Variants in UBA6 observed in about 807,000 individuals in gnomAD.
UBA6 encodes ubiquitin like modifier activating enzyme 6, also known as ubiquitin-like modifier-activating enzyme 6.
A neutral mutation model predicts 148.3 loss-of-function variants in UBA6; 87 were observed. That is an observed-to-expected ratio of 0.59 (90% CI 0.49 to 0.70). The LOEUF (loss-of-function observed/expected upper bound fraction) is 0.70. Among genes scored for constraint, UBA6 ranks in the 30% least tolerant of loss-of-function variants. The pLI is 0.00. For synonymous variants in UBA6, 376 were observed against 401.0 expected, an observed-to-expected ratio of 0.94 and a Z score of 0.75; for missense variants, 1,186 against 1,241.2, an observed-to-expected ratio of 0.96 and a Z score of 0.67.
intron 2 of UBA6, among the ~76,000 whole-genome samples, chr4:67,690,252 C>T (rs1391012619): frequency 6.6e-6 from 1 of 151,928 alleles, no homozygotes; most frequent in Admixed American, 6.6e-5. Flanking sequence ...AACTAGATTT[C>T]CAAATGCAAA....
chr4:67,681,528 C>G (rs746669069), intron 4 of UBA6, 35 bp downstream of exon 4: 2 of 1,490,212 alleles, frequency 1.3e-6, no homozygotes, highest in Non-Finnish European at 1.8e-6. Context: ...AAAAAAGGCT[C>G]ATAACAATTT....
chr4:67,665,181 ATACT>A lies in UBA6; in HGVS notation c.897+4_897+7del. On this transcript the variant is annotated splice_donor_5th_base_variant and intron_variant, in intron 10 of 32. Transcript: ENST00000322244. ...AAATGTTTTTTAAGCCGAAAAAAAA[ATACT>A]TACAAAAAAAACTGTTTTAGGAGTC... 6.5e-7 allele frequency: 1 copy of A among 1,530,058 alleles called. No homozygotes were observed. Among genetic ancestry groups the A allele is most frequent in the Non-Finnish European group, 8.8e-7 (1 of 1,138,116 alleles). 94.8% of individuals were successfully genotyped at this position (1,530,058 alleles called of 1,614,324 possible).
intron 1 of UBA6, 108 bp downstream of exon 1, chr4:67,700,941 G>A: frequency 7.1e-7 from 1 of 1,398,774 alleles, no homozygotes; most frequent in South Asian, 1.2e-5. Context: ...GCTCTGCTCG[G>A]CCCCGCGGCC....
chr4:67,697,040 C>G (rs928011601), intron 1 of UBA6, among the ~76,000 whole-genome samples: 17 of 152,158 alleles, frequency 1.1e-4, no homozygotes, highest in African/African-American at 3.1e-4. Flanking sequence ...GAGTCTCACT[C>G]TGTTACCGAG....
chr4:67,683,661 C>T (rs1014516455), intron 2 of UBA6, among the ~76,000 whole-genome samples: 3 of 151,590 alleles, frequency 2.0e-5, no homozygotes, highest in Middle Eastern at 3.2e-3. Context: ...CCAATGTGGC[C>T]CAGGGAAGCA....
At chr4:67,633,562 G>C (rs1263808807) in intron 22 of UBA6, 89 bp from the exon 23 acceptor site, 5 of 1,159,118 alleles carry the variant, frequency 4.3e-6, no homozygotes, top group Non-Finnish European at 5.8e-6. Flanking sequence ...AGTTTGAAGT[G>C]TCAACTCATG....
At chr4:67,698,885 G>A (rs564556837) in intron 1 of UBA6, among the ~76,000 whole-genome samples, 11 of 152,084 alleles carry the variant, frequency 7.2e-5, no homozygotes, top group Admixed American at 5.9e-4. Flanking sequence ...GCTTGAACCC[G>A]GGAGGAGGAG....
At position 67,644,868 on chromosome 4, in the gene UBA6, ACT is replaced by A. The variant is rs550626613; in HGVS notation, c.1396-92_1396-91del. The A allele has an allele frequency of 1.5e-3, 897 of 609,972 alleles. 5 individuals carry two copies. Among genetic ancestry groups the A allele is most frequent in the Non-Finnish European group, 2.0e-4 (69 of 344,286 alleles). The allele number at this position is 609,972 out of a possible 1,614,324, so 37.8% of individuals were successfully genotyped here. ...AAATATTTAACAGGTTTATTTTACC[ACT>A]GTTTCAACGAAAAAAAAAAGTATAA... On this transcript the variant is annotated intron_variant, in intron 16 of 32. Coordinates refer to ENST00000322244, the MANE Select transcript of UBA6 (RefSeq NM_018227.6).
rs750782079 is a variant in UBA6 at position 67,678,543 on chromosome 4, A to G, written c.259-10T>C. 8 of 1,559,700 alleles carry G rather than the reference A, an allele frequency of 5.1e-6. No individual in the cohort carries two copies. The South Asian group carries it at 9.4e-5, about 18-fold the overall frequency. Reference sequence around the variant, plus strand: ...CATGAATTGTAACTGCCTTCAAAAAAGAAAAAAGTATTGGTTGAAGTCAGG... The same window carrying G: ...CATGAATTGTAACTGCCTTCAAAAAGGAAAAAAGTATTGGTTGAAGTCAGG... On this transcript the variant is annotated splice_polypyrimidine_tract_variant and intron_variant, in intron 4 of 32. Transcript: ENST00000322244.
chr4:67,635,565 G>C lies in UBA6; in HGVS notation c.1737-7C>G, dbSNP rs559332904. ...TAGATTTGCTAAGCAACGACTATTT[G>C]AAAAGACAGCAAGTAAAAAACAAAA... On this transcript the variant is annotated splice_region_variant and splice_polypyrimidine_tract_variant and intron_variant, in intron 19 of 32. Transcript: ENST00000322244. 6.3e-7 allele frequency: 1 copy of C among 1,587,800 alleles called. No individual in the cohort carries two copies. Among genetic ancestry groups the C allele is most frequent in the East Asian group, 2.2e-5 (1 of 44,640 alleles).
At chr4:67,648,505 A>G (rs1021861789) in intron 14 of UBA6, among the ~76,000 whole-genome samples, 3 of 151,754 alleles carry the variant, frequency 2.0e-5, no homozygotes, top group Non-Finnish European at 2.9e-5. Flanking sequence ...GATAAATGGT[A>G]TATTCAAAAT....
In UBA6 at chr4:67,663,923, G is replaced by A. The variant is rs1560492619; in HGVS notation, c.922C>T (p.His308Tyr). ...FFESLERQLK[H>Y]PKCLIVDFSN... is the part of the protein sequence containing the mutation. ...AAATCCACAATAAGGCACTTTGGATGTTTTAACTGCCTCTCCAGTGATTCC... is the reference window on the plus strand; with the variant it reads ...AAATCCACAATAAGGCACTTTGGATATTTTAACTGCCTCTCCAGTGATTCC... Residue 308 changes from histidine to tyrosine, a missense_variant, in exon 11 of 33, where the codon CAT (histidine) becomes TAT (tyrosine). Coordinates refer to ENST00000322244, the MANE Select transcript of UBA6 (RefSeq NM_018227.6). 1 of 1,613,184 alleles carries A rather than the reference G, an allele frequency of 6.2e-7. No individual in the cohort carries two copies.
chr4:67,618,997 T>C lies in UBA6; in HGVS notation c.3159A>G (p.Ter1053=). 2 of 1,613,058 alleles carry C rather than the reference T, an allele frequency of 1.2e-6. No individual in the cohort carries two copies. Among genetic ancestry groups the C allele is most frequent in the Non-Finnish European group, 1.7e-6 (2 of 1,179,710 alleles). The change falls in exon 33 of 33, where the codon TAA becomes TAG. Residue 1053 remains the stop codon, a stop_retained_variant. Transcript: ENST00000322244. ...VRYYFSHDTD[*] is the part of the protein sequence containing the mutation. ...TGGAGTAACGTTAAGACAACTTGTA[T>C]TAATCAGTGTCATGACTGAAGTAGT...
chr4:67,698,852 T>C (rs1261694960), intron 1 of UBA6, among the ~76,000 whole-genome samples: 1 of 151,740 alleles, frequency 6.6e-6, no homozygotes, highest in African/African-American at 2.4e-5. Flanking sequence ...CCCAGCTACT[T>C]GGGAGGCTGA....
intron 6 of UBA6, among the ~76,000 whole-genome samples, chr4:67,677,388 T>C (rs2109946308): frequency 6.6e-6 from 1 of 152,302 alleles, no homozygotes; most frequent in East Asian, 1.9e-4. Context: ...TTAATGGATA[T>C]TACTGAGAAA....
chr4:67,628,926 T>C, intron 27 of UBA6, 145 bp downstream of exon 27: 1 of 654,452 alleles, frequency 1.5e-6, no homozygotes, highest in Non-Finnish European at 2.7e-6. Flanking sequence ...TTTGTGATTC[T>C]GACAAATCTA....
At chr4:67,648,479 A>AG in intron 14 of UBA6, among the ~76,000 whole-genome samples, 1 of 151,742 alleles carries the variant, frequency 6.6e-6, no homozygotes, top group Non-Finnish European at 1.5e-5. Flanking sequence ...AAAAAAAAAA[A>AG]AAATTAAAAA....
At chr4:67,655,603 G>A (rs1017108195) in intron 13 of UBA6, among the ~76,000 whole-genome samples, 4 of 152,082 alleles carry the variant, frequency 2.6e-5, no homozygotes, top group East Asian at 3.9e-4. Flanking sequence ...ATCTAAAATC[G>A]ACACCTTAAC....
At chr4:67,626,270 TGATTA>T in intron 28 of UBA6, 85 bp downstream of exon 28, 1 of 749,504 alleles carries the variant, frequency 1.3e-6, no homozygotes, top group Non-Finnish European at 2.3e-6. Context: ...ATTATTGTTG[TGATTA>T]AATTCCACAA....
Sources: gnomAD v4.1 joint callset for allele counts (sites outside exome capture counted in the v4.1 genomes callset) on GRCh38, gnomAD v4.1.1 for gene constraint, MANE v1.5 for transcripts, NCBI Gene and HGNC (gene_info 2026-07-23, HGNC 2026-07-21) for gene names.